Variants in VWDE observed in about 807,000 individuals in gnomAD.
The protein encoded by VWDE is von Willebrand factor D and EGF domain-containing protein.
In VWDE, 207 loss-of-function variants were observed where a neutral mutation model predicts 178.4. That is an observed-to-expected ratio of 1.16 (90% CI 1.04 to 1.30). The LOEUF is 1.30. Among genes scored for constraint, VWDE ranks in the 50% most tolerant of loss-of-function variants. VWDE has a pLI of 0.00. For missense variants in VWDE, 2,287 were observed against 1,901.3 expected (o/e 1.20, Z -3.77); for synonymous variants, 738 against 651.4 (o/e 1.13, Z -2.02).
At chr7:12,339,952 G>A (rs146273094) in intron 24 of VWDE, among the ~76,000 whole-genome samples, 2 of 152,200 alleles carry the variant, frequency 1.3e-5, no homozygotes, top group African/African-American at 4.8e-5. Context: ...GAGATTATGG[G>A]ATAATAGTGG....
Position 12,373,349 on chromosome 7 carries a change from T to C in VWDE, c.1317-102A>G, listed in dbSNP as rs1783321712. ...TTTATGTATCACGATCATTTTGTTGTATGCACTGAAGGAAACAAAGTAGTC... is the reference window on the plus strand; with the variant it reads ...TTTATGTATCACGATCATTTTGTTGCATGCACTGAAGGAAACAAAGTAGTC... On this transcript the variant is annotated intron_variant, in intron 9 of 28. Coordinates refer to ENST00000275358, the MANE Select transcript of VWDE (RefSeq NM_001135924.3). 1.4e-5 allele frequency: 18 copies of C among 1,243,470 alleles called. No individual in the cohort carries two copies. The South Asian group carries it at 2.0e-4, about 14-fold the overall frequency. 77.0% of individuals were successfully genotyped at this position (1,243,470 alleles called of 1,614,324 possible). A position where few individuals can be genotyped will look rare whatever the true frequency, so the allele number is the denominator to read the frequency against.
chr7:12,331,186 A>G lies in VWDE; in HGVS notation c.4770T>C (p.His1590=). The G allele has an allele frequency of 2.6e-6, 4 of 1,541,686 alleles. No individual in the cohort carries two copies. The highest frequency in any genetic ancestry group is 2.0e-5 in the Admixed American group (1 of 50,640). ...KCEKKIQIRR[H] The stretch of plus-strand genomic sequence containing the variant: ...TAATTCATATACTTGATGCTACTCA[A>G]TGGCGTCTTATCTGTAGTAGGAAGA... Residue 1590 remains histidine (H), a synonymous_variant, in exon 29 of 29, where the codon CAT becomes CAC. Transcript: ENST00000275358.
At chr7:12,371,336 A>G (rs1188864852) in intron 10 of VWDE, among the ~76,000 whole-genome samples, 1 of 152,150 alleles carries the variant, frequency 6.6e-6, no homozygotes, top group East Asian at 1.9e-4. Flanking sequence ...ATCAGAAGCT[A>G]AATTATAACT....
At chr7:12,340,487 T>G (rs1781269765) in intron 23 of VWDE, 70 bp from the exon 24 acceptor site, 1 of 1,016,654 alleles carries the variant, frequency 9.8e-7, no homozygotes, top group Non-Finnish European at 1.5e-6. Context: ...TGCACAGAAG[T>G]GCAAAATGGT....
chr7:12,342,169 T>C lies in VWDE; in HGVS notation c.4175-15A>G. On this transcript the variant is annotated splice_polypyrimidine_tract_variant and intron_variant, in intron 22 of 28. Coordinates refer to ENST00000275358, the MANE Select transcript of VWDE (RefSeq NM_001135924.3). ...GTTACAAACCACTGAGATCATAGAA[T>C]AAAGAGAAAAGAAAGATTAGGCTTG... 2 of 1,548,594 alleles carry C rather than the reference T, an allele frequency of 1.3e-6. No homozygotes were observed. The highest frequency in any genetic ancestry group is 1.7e-6 in the Non-Finnish European group (2 of 1,144,528).
chr7:12,363,764 A>G (rs1782706355), intron 13 of VWDE, among the ~76,000 whole-genome samples: 1 of 152,038 alleles, frequency 6.6e-6, no homozygotes, highest in South Asian at 2.1e-4. Context: ...CAACTCTTAG[A>G]ACTATAATAT....
At chr7:12,399,499 C>T (rs1312449629) in intron 1 of VWDE, among the ~76,000 whole-genome samples, 2 of 152,016 alleles carry the variant, frequency 1.3e-5, no homozygotes, top group Admixed American at 6.6e-5. Flanking sequence ...CTTTAATATC[C>T]CACTTTCAAT....
chr7:12,354,287 T>C (rs1053572589), intron 18 of VWDE: 7 of 369,918 alleles, frequency 1.9e-5, no homozygotes, highest in African/African-American at 1.5e-4. Flanking sequence ...ACAGAAACTA[T>C]GCTATTAAAA....
chr7:12,359,086 C>G (rs1289628897), intron 16 of VWDE, among the ~76,000 whole-genome samples: 1 of 152,150 alleles, frequency 6.6e-6, no homozygotes, highest in East Asian at 1.9e-4. Flanking sequence ...ATGGAACCAA[C>G]ATAGCTCTAT....
chr7:12,356,280 A>G lies in VWDE; in HGVS notation c.3576T>C (p.Asp1192=). 2 of 1,551,680 alleles carry G rather than the reference A, an allele frequency of 1.3e-6. No homozygotes were observed. Among genetic ancestry groups the G allele is most frequent in the African/African-American group, 1.4e-5 (1 of 73,156 alleles). ...DCLNGGSCVS[D]RNFSPGSGVY... is the part of the protein sequence containing the mutation. ...CTCCACTCCCTGGAGAAAAGTTCCT[A>G]TCAGATACACATGATCCACCATTCA... is the stretch of plus-strand genomic sequence containing the variant. Residue 1192 remains aspartate, a synonymous_variant, in exon 18 of 29, where the codon GAT becomes GAC. Transcript: ENST00000275358.
chr7:12,347,114 G>C (rs1781648765), intron 19 of VWDE, among the ~76,000 whole-genome samples: 1 of 152,114 alleles, frequency 6.6e-6, no homozygotes, highest in Non-Finnish European at 1.5e-5. Flanking sequence ...TACAGCAAAA[G>C]TGCCCTGGAC....
At chr7:12,400,172 G>A (rs79521877) in intron 1 of VWDE, among the ~76,000 whole-genome samples, 1 of 151,844 alleles carries the variant, frequency 6.6e-6, no homozygotes, top group African/African-American at 2.4e-5. Context: ...GTAAAAATAA[G>A]AGCATTCTAA....
At position 12,373,252 on chromosome 7, in the gene VWDE, C is replaced by G; in HGVS notation, c.1317-5G>C. The G allele has an allele frequency of 6.5e-7, 1 of 1,548,714 alleles. No homozygotes were observed. The highest frequency in any genetic ancestry group is 8.7e-7 in the Non-Finnish European group (1 of 1,146,230). On this transcript the variant is annotated splice_polypyrimidine_tract_variant and splice_region_variant and intron_variant, in intron 9 of 28. Transcript: ENST00000275358. Reference sequence around the variant, plus strand: ...GTCTTGAAATTATCATATACCCTATCATTAACAAAAGGCAATTGCATTAAA... The same window carrying G: ...GTCTTGAAATTATCATATACCCTATGATTAACAAAAGGCAATTGCATTAAA...
At chr7:12,360,641 G>C (rs1562484525) in intron 15 of VWDE, among the ~76,000 whole-genome samples, 1 of 152,098 alleles carries the variant, frequency 6.6e-6, no homozygotes, top group African/African-American at 2.4e-5. Context: ...GCTGGATATA[G>C]ACTAAGAAGA....
intron 23 of VWDE, among the ~76,000 whole-genome samples, chr7:12,340,772 G>C (rs1467932229): frequency 1.3e-5 from 2 of 152,154 alleles, no homozygotes; most frequent in African/African-American, 4.8e-5. Flanking sequence ...AGAAACGATT[G>C]CAAGTTAAGA....
Position 12,380,626 on chromosome 7 carries a change from T to C in VWDE, c.649A>G (p.Thr217Ala), listed in dbSNP as rs370745991. Residue 217 changes from threonine (T) to alanine (A), a missense_variant, in exon 5 of 29, where the codon ACA becomes GCA. Thr to Ala is a moderately conservative substitution (Grantham distance 58). Coordinates refer to ENST00000275358, the MANE Select transcript of VWDE (RefSeq NM_001135924.3). Reference sequence around the variant, plus strand: ...ATGTGAAATCCCACTGAGTTTTTTGTAGCGGGAACATCAAAAGAACACCTA... The same window carrying C: ...ATGTGAAATCCCACTGAGTTTTTTGCAGCGGGAACATCAAAAGAACACCTA... ...FCRCSFDVPA[T>A]KNSVGFHIAW... is the part of the protein sequence containing the mutation. The C allele has an allele frequency of 1.4e-5, 21 of 1,552,170 alleles. No individual in the cohort carries two copies. The African/African-American group carries it at 2.6e-4, about 19-fold the overall frequency.
chr7:12,333,696 C>T (rs763120211), intron 27 of VWDE, 128 bp from the exon 28 acceptor site: 1 of 643,044 alleles, frequency 1.6e-6, no homozygotes, highest in East Asian at 2.8e-5. Flanking sequence ...ATTAATGAAC[C>T]ATCAATGAAT....
intron 12 of VWDE, among the ~76,000 whole-genome samples, chr7:12,368,905 T>C (rs1783004014): frequency 6.6e-6 from 1 of 152,068 alleles, no homozygotes; most frequent in African/African-American, 2.4e-5. Flanking sequence ...GACTACAAGT[T>C]TTTAATGTGA....
At chr7:12,388,956 C>G (rs848018) in intron 3 of VWDE, 171 bp downstream of exon 3, 4 of 721,532 alleles carry the variant, frequency 5.5e-6, no homozygotes, top group Non-Finnish European at 1.0e-5. Context: ...TGGCAAAGAA[C>G]CCTAAAGAAA....
Sources: gnomAD v4.1 joint callset for allele counts (sites outside exome capture counted in the v4.1 genomes callset) on GRCh38, gnomAD v4.1.1 for gene constraint, MANE v1.5 for transcripts, NCBI Gene and HGNC (gene_info 2026-07-23, HGNC 2026-07-21) for gene names.